Variants in GALNTL6 observed in about 807,000 individuals in gnomAD.
GALNTL6 encodes polypeptide N-acetylgalactosaminyltransferase-like 6.
GALNTL6 carries 46 observed loss-of-function variants against 73.7 expected under a neutral mutation model. The ratio of observed to expected loss-of-function variants is 0.62; its 90% CI spans 0.49 to 0.80. The LOEUF (loss-of-function observed/expected upper bound fraction) is 0.80. Ranked by LOEUF, GALNTL6 falls within the 30% of genes least tolerant of loss-of-function variation. The probability of loss-of-function intolerance (pLI) is 0.00; values close to 1 mark genes in which losing one functional copy is unlikely to be tolerated. For missense variants in GALNTL6, 604 were observed against 755.0 expected (o/e 0.80, Z 2.34); for synonymous variants, 259 against 263.7 (o/e 0.98, Z 0.17).
At chr4:172,747,023 A>C (rs922244523) in intron 5 of GALNTL6, among the ~76,000 whole-genome samples, 3 of 152,116 alleles carry the variant, frequency 2.0e-5, no homozygotes, top group African/African-American at 4.8e-5. Context: ...AATTAATATT[A>C]TGTTTATATA....
intron 2 of GALNTL6, among the ~76,000 whole-genome samples, chr4:172,090,772 G>C (rs1015330241): frequency 6.6e-6 from 1 of 152,108 alleles, no homozygotes; most frequent in African/African-American, 2.4e-5. Flanking sequence ...CCTTGCCCAT[G>C]CCTCTGTCCT....
chr4:172,124,271 C>T (rs28825385), intron 2 of GALNTL6, among the ~76,000 whole-genome samples: 67,017 of 151,956 alleles, frequency 0.44, 15,394 homozygotes, highest in African/African-American at 0.55. Context: ...GACAATGTTT[C>T]CTACATAATT....
At chr4:172,891,883 T>C (rs1438001258) in intron 8 of GALNTL6, among the ~76,000 whole-genome samples, 1 of 152,210 alleles carries the variant, frequency 6.6e-6, no homozygotes, top group Admixed American at 6.5e-5. Flanking sequence ...GCCTTTACAT[T>C]CTTTCCTCAG....
intron 5 of GALNTL6, among the ~76,000 whole-genome samples, chr4:172,796,778 A>G (rs1467071362): frequency 6.6e-6 from 1 of 151,110 alleles, no homozygotes; most frequent in Non-Finnish European, 1.5e-5. Context: ...CAAGAATATT[A>G]TTAAGAACGG....
intron 2 of GALNTL6, among the ~76,000 whole-genome samples, chr4:171,822,208 A>G (rs1171404873): frequency 2.0e-5 from 3 of 152,224 alleles, no homozygotes; most frequent in Non-Finnish European, 4.4e-5. Flanking sequence ...AAAGTAGAAT[A>G]AAAACTCTCA....
intron 5 of GALNTL6, among the ~76,000 whole-genome samples, chr4:172,593,163 G>T (rs1030111753): frequency 5.9e-5 from 9 of 152,038 alleles, no homozygotes; most frequent in Non-Finnish European, 8.8e-5. Context: ...ATGGCCTGCT[G>T]GATATCTCCA....
chr4:171,864,688 C>T (rs558660507), intron 2 of GALNTL6, among the ~76,000 whole-genome samples: 1 of 152,162 alleles, frequency 6.6e-6, no homozygotes, highest in Non-Finnish European at 1.5e-5. Context: ...ACACTTCCCC[C>T]ACAGTCCACC....
intron 5 of GALNTL6, among the ~76,000 whole-genome samples, chr4:172,535,007 T>A (rs1735297532): frequency 6.6e-6 from 1 of 152,228 alleles, no homozygotes; most frequent in South Asian, 2.1e-4. Flanking sequence ...TCAGTGGAGT[T>A]CATGGGTTTA....
chr4:172,727,443 A>G (rs1015234246), intron 5 of GALNTL6, among the ~76,000 whole-genome samples: 1 of 152,264 alleles, frequency 6.6e-6, no homozygotes, highest in Non-Finnish European at 1.5e-5. Flanking sequence ...ATAAATTCAA[A>G]TTAAAACAAT....
intron 2 of GALNTL6, among the ~76,000 whole-genome samples, chr4:172,142,503 G>A (rs1343516656): frequency 6.6e-6 from 1 of 151,960 alleles, no homozygotes; most frequent in East Asian, 1.9e-4. Context: ...CTGCATCTGT[G>A]GTCACTGGCC....
intron 5 of GALNTL6, among the ~76,000 whole-genome samples, chr4:172,733,137 G>T (rs6553649): frequency 6.6e-6 from 1 of 152,194 alleles, no homozygotes; most frequent in South Asian, 2.1e-4. Context: ...ATTCTCTCAG[G>T]CTTTGTTTGT....
chr4:172,955,592 A>G (rs2126358290), intron 10 of GALNTL6, among the ~76,000 whole-genome samples: 1 of 152,332 alleles, frequency 6.6e-6, no homozygotes, highest in Middle Eastern at 3.4e-3. Context: ...GATTTCTTAA[A>G]ATAAGCTTTT....
At chr4:172,866,563 T>C (rs1211909396) in intron 7 of GALNTL6, among the ~76,000 whole-genome samples, 1 of 152,224 alleles carries the variant, frequency 6.6e-6, no homozygotes, top group Non-Finnish European at 1.5e-5. Context: ...TTGTTGGTTA[T>C]TGTTACATTA....
chr4:172,631,590 A>G (rs942860057), intron 5 of GALNTL6, among the ~76,000 whole-genome samples: 13 of 152,230 alleles, frequency 8.5e-5, no homozygotes, highest in Non-Finnish European at 1.6e-4. Context: ...TCAACCTGCT[A>G]AGAACAAACA....
intron 8 of GALNTL6, among the ~76,000 whole-genome samples, chr4:172,905,717 T>TAA (rs907386837): frequency 4.0e-5 from 6 of 150,602 alleles, no homozygotes; most frequent in Non-Finnish European, 5.9e-5. Context: ...CAAAAATGTT[T>TAA]AAGTCTAGGT....
At chr4:173,032,242 G>T (rs1205742289) in intron 12 of GALNTL6, among the ~76,000 whole-genome samples, 1 of 152,188 alleles carries the variant, frequency 6.6e-6, no homozygotes, top group Non-Finnish European at 1.5e-5. Flanking sequence ...GAGGTCAGGA[G>T]ATCAAGACCA....
rs904001422 is a variant in GALNTL6 at position 172,925,454 on chromosome 4, A to G, written c.1042-5707A>G. Among the ~76,000 whole-genome samples the G allele has an allele frequency of 2.0e-5, 3 of 152,188 alleles. No individual in the cohort carries two copies. The South Asian group carries it at 6.2e-4, about 31-fold the overall frequency. ...TTGGTTTACTCACATGAGTATGTCA[A>G]CGTTACATGGTAAAAGAGATTTGGC... On this transcript the variant is annotated intron_variant, in intron 8 of 12. Transcript: ENST00000506823.
chr4:172,571,553 C>T (rs985463716), intron 5 of GALNTL6, among the ~76,000 whole-genome samples: 6 of 152,068 alleles, frequency 3.9e-5, no homozygotes, highest in African/African-American at 2.4e-5. Flanking sequence ...CACTATCGAA[C>T]GTATCAGAGG....
chr4:171,864,296 A>G (rs942259578), intron 2 of GALNTL6, among the ~76,000 whole-genome samples: 11 of 152,194 alleles, frequency 7.2e-5, no homozygotes, highest in African/African-American at 2.2e-4. Flanking sequence ...TGGCTCGAAT[A>G]TAAAAGGTCA....
Sources: gnomAD v4.1 joint callset for allele counts (sites outside exome capture counted in the v4.1 genomes callset) on GRCh38, gnomAD v4.1.1 for gene constraint, MANE v1.5 for transcripts, NCBI Gene and HGNC (gene_info 2026-07-23, HGNC 2026-07-21) for gene names.